The following DLGAP2 variants were observed in gnomAD, a reference collection of about 807,000 sequenced individuals.
DLGAP2 encodes the protein disks large-associated protein 2.
DLGAP2 carries 26 observed loss-of-function variants against 100.3 expected under a neutral mutation model. The ratio of observed to expected loss-of-function variants is 0.26; its 90% CI spans 0.19 to 0.36. The LOEUF is 0.36. Among genes scored for constraint, DLGAP2 ranks in the 10% least tolerant of loss-of-function variants. The pLI, the probability that DLGAP2 is intolerant of heterozygous loss-of-function variation, is 1.00. For missense variants in DLGAP2, 1,858 were observed against 1,453.2 expected, an observed-to-expected ratio of 1.28 and a Z score of -4.53; for synonymous variants, 886 against 630.1, an observed-to-expected ratio of 1.41 and a Z score of -6.08.
intron 1 of DLGAP2, among the ~76,000 whole-genome samples, chr8:773,026 G>A (rs1821407312): frequency 6.6e-6 from 1 of 152,184 alleles, no homozygotes; most frequent in Non-Finnish European, 1.5e-5. Context: ...ACTTGTTTAT[G>A]CTGGGTGGAG....
At chr8:1,359,524 G>A (rs1401364136) in intron 3 of DLGAP2, among the ~76,000 whole-genome samples, 5 of 152,374 alleles carry the variant, frequency 3.3e-5, no homozygotes, top group South Asian at 2.1e-4. Context: ...AAGCTGGTTC[G>A]TGGGGACCAC....
intron 3 of DLGAP2, among the ~76,000 whole-genome samples, chr8:1,423,890 G>A (rs1797170248): frequency 6.6e-6 from 1 of 152,168 alleles, no homozygotes; most frequent in African/African-American, 2.4e-5. Context: ...GAAACATCAA[G>A]AAAGCAAAAA....
chr8:1,590,069 G>A (rs59132397), intron 6 of DLGAP2, among the ~76,000 whole-genome samples: 9,222 of 152,240 alleles, frequency 0.061, 312 homozygotes, highest in African/African-American at 0.086. Context: ...CTCAGTGTCC[G>A]TGGCTGTGGG....
chr8:1,284,279 G>T (rs1474309975), intron 3 of DLGAP2, among the ~76,000 whole-genome samples: 2 of 152,168 alleles, frequency 1.3e-5, no homozygotes, highest in South Asian at 2.1e-4. Flanking sequence ...TTTGAGTAGA[G>T]CCTGTGCTGA....
chr8:885,510 A>G (rs1325675812), intron 1 of DLGAP2, among the ~76,000 whole-genome samples: 2 of 152,226 alleles, frequency 1.3e-5, no homozygotes, highest in African/African-American at 2.4e-5. Flanking sequence ...TATCAGTTCA[A>G]TAAGTTTTTG....
chr8:1,545,520 C>T (rs1360627322), intron 4 of DLGAP2, among the ~76,000 whole-genome samples: 1 of 152,150 alleles, frequency 6.6e-6, no homozygotes, highest in African/African-American at 2.4e-5. Flanking sequence ...AACTAAGATG[C>T]TTTCCGCATT....
chr8:1,032,010 G>A (rs544395398), intron 2 of DLGAP2, among the ~76,000 whole-genome samples: 21 of 152,314 alleles, frequency 1.4e-4, no homozygotes, highest in African/African-American at 4.1e-4. Context: ...TGTGTGGTTC[G>A]TGGGAGCTGA....
rs572001299 is a variant in DLGAP2 at position 963,740 on chromosome 8, CAA to C, written c.73+55775_73+55776del. On this transcript the variant is annotated intron_variant, in intron 2 of 14. Coordinates refer to ENST00000637795, the MANE Select transcript of DLGAP2 (RefSeq NM_001346810.2). ...ACCAAAGATTTCTCATTTATTAACT[CAA>C]TATTATTTCAAGATCCTAATGTCAT... Among the ~76,000 whole-genome samples, 324 of 152,184 alleles carry C rather than the reference CAA, an allele frequency of 2.1e-3. 1 individual carries two copies. The highest frequency in any genetic ancestry group is 7.6e-3 in the African/African-American group (316 of 41,514).
intron 14 of DLGAP2, among the ~76,000 whole-genome samples, chr8:1,699,916 C>T (rs1161860319): frequency 6.6e-6 from 1 of 152,218 alleles, no homozygotes; most frequent in Non-Finnish European, 1.5e-5. Context: ...GAAACAGATC[C>T]TCTTCTCTCC....
intron 2 of DLGAP2, among the ~76,000 whole-genome samples, chr8:1,044,795 T>A (rs1378723509): frequency 6.6e-6 from 1 of 152,144 alleles, no homozygotes; most frequent in African/African-American, 2.4e-5. Flanking sequence ...CTACCCCAGA[T>A]CTTACCTCGG....
At chr8:1,030,246 T>G (rs138215495) in intron 2 of DLGAP2, among the ~76,000 whole-genome samples, 116 of 152,348 alleles carry the variant, frequency 7.6e-4, no homozygotes, top group African/African-American at 2.6e-3. Flanking sequence ...CGTAATTAAA[T>G]AAATAGTGAA....
intron 6 of DLGAP2, among the ~76,000 whole-genome samples, chr8:1,594,351 A>G (rs947936931): frequency 6.6e-6 from 1 of 152,322 alleles, no homozygotes; most frequent in Non-Finnish European, 1.5e-5. Context: ...CAAGAGAACA[A>G]TGAAGGAACA....
intron 2 of DLGAP2, among the ~76,000 whole-genome samples, chr8:980,696 G>T (rs538793727): frequency 6.6e-6 from 1 of 152,172 alleles, no homozygotes; most frequent in African/African-American, 2.4e-5. Context: ...ACTCCAGCAG[G>T]AAGGAAGGAA....
intron 2 of DLGAP2, among the ~76,000 whole-genome samples, chr8:973,279 A>G (rs550112615): frequency 6.9e-6 from 1 of 144,040 alleles, no homozygotes; most frequent in Non-Finnish European, 1.5e-5. Flanking sequence ...CGGACGGGGC[A>G]GCTGGCCGGG....
At chr8:1,116,043 A>G (rs920784794) in intron 2 of DLGAP2, among the ~76,000 whole-genome samples, 2 of 152,234 alleles carry the variant, frequency 1.3e-5, no homozygotes, top group African/African-American at 4.8e-5. Context: ...GGCCAGTGAC[A>G]GTCACTTGGG....
intron 2 of DLGAP2, among the ~76,000 whole-genome samples, chr8:1,218,687 A>G (rs1464816500): frequency 3.3e-5 from 5 of 152,146 alleles, no homozygotes; most frequent in Admixed American, 2.6e-4. Flanking sequence ...GTAGTTTGAT[A>G]GGAATAGCAT....
rs764176266 is a variant in DLGAP2, at chr8:1,139,096, G to T, written c.74-119755G>T. 3.9e-5 allele frequency among the ~76,000 whole-genome samples: 6 copies of T among 152,198 alleles called. No individual in the cohort carries two copies. The East Asian group carries it at 9.6e-4, about 24-fold the overall frequency. ...GTCCTGGTTGTTCAGGTGTTTCCTC[G>T]GGTGATGACTGTTTCCTGAGCGCCT... On this transcript the variant is annotated intron_variant, in intron 2 of 14. Coordinates refer to ENST00000637795, the MANE Select transcript of DLGAP2 (RefSeq NM_001346810.2).
chr8:777,502 C>T (rs1419828317), intron 1 of DLGAP2, among the ~76,000 whole-genome samples: 1 of 151,730 alleles, frequency 6.6e-6, no homozygotes, highest in Admixed American at 6.6e-5. Flanking sequence ...TTGTTCCTTT[C>T]CATGTTTAGC....
rs1296540815 is a variant in DLGAP2, at chr8:1,705,368, T to TC, written c.*3966dup. The TC allele has an allele frequency of 1.3e-5, 2 of 152,252 alleles. No individual in the cohort carries two copies. Among genetic ancestry groups the TC allele is most frequent in the African/African-American group, 2.4e-5 (1 of 41,446 alleles). The allele number at this position is 152,252 out of a possible 1,614,324, so 9.4% of individuals were successfully genotyped here. The stretch of plus-strand genomic sequence containing the variant: ...AGCCTTGCTTGGAATTCTGGCAGGT[T>TC]CCCCGGGGTGTTTCAGTGGACAGGA... On this transcript the variant is annotated 3_prime_UTR_variant, in exon 15 of 15. Coordinates refer to ENST00000637795, the MANE Select transcript of DLGAP2 (RefSeq NM_001346810.2).
Sources: allele counts gnomAD v4.1 joint callset (sites outside exome capture counted in the v4.1 genomes callset), GRCh38; gene constraint gnomAD v4.1.1; transcripts MANE v1.5; gene names NCBI Gene and HGNC (gene_info 2026-07-23, HGNC 2026-07-21).